The following JAK1 variants were observed in gnomAD, a reference collection of about 807,000 sequenced individuals.
The protein encoded by JAK1 is tyrosine-protein kinase JAK1.
In JAK1, 16 loss-of-function variants were observed where a neutral mutation model predicts 136.6. The observed-to-expected ratio is 0.12, with a 90% confidence interval of 0.08 to 0.18. The LOEUF is 0.18. Ranked by LOEUF, JAK1 falls within the 10% of genes least tolerant of loss-of-function variation. The pLI, the probability that JAK1 is intolerant of heterozygous loss-of-function variation, is 1.00. For missense variants in JAK1, 859 were observed against 1,450.1 expected, an observed-to-expected ratio of 0.59 and a Z score of 6.62; for synonymous variants, 492 against 519.5, an observed-to-expected ratio of 0.95 and a Z score of 0.72.
chr1:64,949,528 C>A (rs1359562717), intron 1 of JAK1, among the ~76,000 whole-genome samples: 2 of 152,234 alleles, frequency 1.3e-5, no homozygotes, highest in Non-Finnish European at 2.9e-5. Flanking sequence ...TACAGAATAT[C>A]ATTTCCCAGT....
intron 1 of JAK1, among the ~76,000 whole-genome samples, chr1:65,067,227 A>G (rs904851776): frequency 6.6e-6 from 1 of 150,400 alleles, no homozygotes; most frequent in African/African-American, 2.4e-5. Context: ...AGGAGGCTGA[A>G]GGCAGGCGCT....
Position 64,847,682 on chromosome 1 carries a change from G to A in JAK1, c.1756-7C>T. ...CTCTCCCAAGGTGCTCGCCCTGAGG[G>A]AAGAAGCAGAAGGCTGGGTGACCTC... On this transcript the variant is annotated splice_polypyrimidine_tract_variant and splice_region_variant and intron_variant, in intron 12 of 24. Coordinates refer to ENST00000342505, the MANE Select transcript of JAK1 (RefSeq NM_002227.4). 1 of 1,613,230 alleles carries A rather than the reference G, an allele frequency of 6.2e-7. No individual in the cohort carries two copies. The highest frequency in any genetic ancestry group is 8.5e-7 in the Non-Finnish European group (1 of 1,179,602).
chr1:64,986,861 GA>G (rs1342618478), intron 2 of JAK1, among the ~76,000 whole-genome samples: 1 of 151,984 alleles, frequency 6.6e-6, no homozygotes, highest in Non-Finnish European at 1.5e-5. Flanking sequence ...GACAGAGTGA[GA>G]CACTGCCCAA....
chr1:64,902,781 T>A (rs1381037890), intron 1 of JAK1, among the ~76,000 whole-genome samples: 1 of 152,050 alleles, frequency 6.6e-6, no homozygotes, highest in Non-Finnish European at 1.5e-5. Context: ...GACAGCTGAT[T>A]GTATGCCATT....
intron 1 of JAK1, among the ~76,000 whole-genome samples, chr1:64,892,491 C>T (rs1557669221): frequency 6.6e-6 from 1 of 152,034 alleles, no homozygotes; most frequent in Non-Finnish European, 1.5e-5. Context: ...CACTATGGTG[C>T]CCAAGGTGGT....
At chr1:64,885,713 C>T (rs1239122415) in intron 2 of JAK1, among the ~76,000 whole-genome samples, 1 of 151,556 alleles carries the variant, frequency 6.6e-6, no homozygotes, top group African/African-American at 2.4e-5. Context: ...GAGATCACAC[C>T]ACTGCACTCC....
chr1:65,047,398 C>T (rs1647194043), intron 1 of JAK1, among the ~76,000 whole-genome samples: 1 of 152,168 alleles, frequency 6.6e-6, no homozygotes, highest in Non-Finnish European at 1.5e-5. Flanking sequence ...CCTGGTCCTA[C>T]TTGGTAGGGA....
At chr1:64,976,625 G>A (rs1646499457) in intron 2 of JAK1, among the ~76,000 whole-genome samples, 1 of 152,112 alleles carries the variant, frequency 6.6e-6, no homozygotes, top group African/African-American at 2.4e-5. Flanking sequence ...ATACTTCTTA[G>A]TGACGCCAAT....
chr1:65,008,943 C>G (rs1171619701), intron 2 of JAK1, among the ~76,000 whole-genome samples: 1 of 152,180 alleles, frequency 6.6e-6, no homozygotes, highest in East Asian at 1.9e-4. Context: ...GTCTTGGCCT[C>G]TAGAAGTGCT....
chr1:64,948,603 A>G (rs1361027105), intron 1 of JAK1, among the ~76,000 whole-genome samples: 1 of 152,254 alleles, frequency 6.6e-6, no homozygotes, highest in Non-Finnish European at 1.5e-5. Flanking sequence ...ACTAATCAGC[A>G]TGAGATCCAT....
At chr1:65,065,080 T>C (rs1277901143) in intron 1 of JAK1, among the ~76,000 whole-genome samples, 1 of 152,202 alleles carries the variant, frequency 6.6e-6, no homozygotes, top group Non-Finnish European at 1.5e-5. Context: ...GTGTTCCTCC[T>C]GCAGCTGATT....
chr1:65,046,780 C>T (rs375409689), intron 1 of JAK1, among the ~76,000 whole-genome samples: 1 of 151,536 alleles, frequency 6.6e-6, no homozygotes, highest in East Asian at 1.9e-4. Flanking sequence ...GAACTCCTGG[C>T]CTCAAGTGAT....
chr1:64,883,180 T>C, intron 3 of JAK1, 97 bp downstream of exon 3: 1 of 1,023,868 alleles, frequency 9.8e-7, no homozygotes, highest in Non-Finnish European at 1.4e-6. Context: ...TCCACAACTC[T>C]TTCTGCCCAG....
At chr1:64,991,421 A>G (rs745478103) in intron 2 of JAK1, 1 of 152,228 alleles carries the variant, frequency 6.6e-6, no homozygotes, top group Admixed American at 6.5e-5. Flanking sequence ...ACTTCTGTGC[A>G]TGCACACTGT....
intron 1 of JAK1, among the ~76,000 whole-genome samples, chr1:64,915,057 C>T (rs1417234400): frequency 6.6e-6 from 1 of 152,106 alleles, no homozygotes; most frequent in Non-Finnish European, 1.5e-5. Flanking sequence ...ATTTTACCTG[C>T]CTCTCTTCAC....
chr1:64,939,784 T>C (rs1184972984), intron 1 of JAK1, among the ~76,000 whole-genome samples: 1 of 152,186 alleles, frequency 6.6e-6, no homozygotes, highest in Admixed American at 6.5e-5. Context: ...ATGTGTGCTA[T>C]ATAAGTCAAT....
At chr1:64,898,720 A>C (rs1398102077) in intron 1 of JAK1, among the ~76,000 whole-genome samples, 1 of 152,230 alleles carries the variant, frequency 6.6e-6, no homozygotes, top group East Asian at 1.9e-4. Context: ...ACTGTCATCC[A>C]GTTAAACAGT....
Position 64,984,839 on chromosome 1 carries a change from A to G in JAK1, c.-78+59641T>C, listed in dbSNP as rs903784923. On this transcript the variant is annotated intron_variant, in intron 2 of 25. Coordinates refer to the JAK1 transcript ENST00000671954. The surrounding 1 kb of genome is among the most constrained non-coding windows in gnomAD (Gnocchi z 4.1). Reference sequence around the variant, plus strand: ...CTAAATAGTAAGCAGCAGAAGGGAAAAGCAATCTGACTAGGAAGTTGGAGG... The same window carrying G: ...CTAAATAGTAAGCAGCAGAAGGGAAGAGCAATCTGACTAGGAAGTTGGAGG... 8.6e-7 allele frequency: 1 copy of G among 1,159,716 alleles called. No individual in the cohort carries two copies. Among genetic ancestry groups the G allele is most frequent in the Admixed American group, 1.8e-5 (1 of 56,896 alleles). The allele number at this position is 1,159,716 out of a possible 1,614,324, so 71.8% of individuals were successfully genotyped here.
At chr1:64,912,942 G>A (rs1015269264) in intron 1 of JAK1, among the ~76,000 whole-genome samples, 3 of 152,150 alleles carry the variant, frequency 2.0e-5, no homozygotes, top group Non-Finnish European at 4.4e-5. Context: ...TTACTCTCTA[G>A]CTGTTCCACT....
Sources: gnomAD v4.1 joint callset for allele counts (sites outside exome capture counted in the v4.1 genomes callset) on GRCh38, gnomAD v4.1.1 for gene constraint, Gnocchi (gnomAD v3.1) non-coding constraint, MANE v1.5 for transcripts, NCBI Gene and HGNC (gene_info 2026-07-23, HGNC 2026-07-21) for gene names.